Variants in UBP1 observed in about 807,000 individuals in gnomAD.
UBP1 encodes the protein upstream binding protein 1.
A neutral mutation model predicts 76.1 loss-of-function variants in UBP1; 22 were observed. The observed-to-expected ratio is 0.29, with a 90% confidence interval of 0.21 to 0.41. The LOEUF is 0.41. Among genes scored for constraint, UBP1 ranks in the 10% least tolerant of loss-of-function variants. UBP1 has a pLI of 1.00. For synonymous variants in UBP1, 224 were observed against 237.1 expected, an observed-to-expected ratio of 0.94 and a Z score of 0.51; for missense variants, 436 against 668.1, an observed-to-expected ratio of 0.65 and a Z score of 3.83.
Position 33,425,644 on chromosome 3 carries a change from C to T in UBP1, c.211G>A (p.Ala71Thr). 1.3e-6 allele frequency: 2 copies of T among 1,599,806 alleles called. No homozygotes were observed. Among genetic ancestry groups the T allele is most frequent in the Non-Finnish European group, 1.7e-6 (2 of 1,169,220 alleles). Residue 71 changes from alanine (A) to threonine (T), a missense_variant, in exon 2 of 16, where the codon GCA becomes ACA. Ala to Thr is a moderately conservative substitution (Grantham distance 58, BLOSUM62 0). Around this residue, in one of 3 missense-constraint regions of UBP1, gnomAD observed 161 missense variants for 237.9 expected, o/e 0.68. Coordinates refer to ENST00000283629, the MANE Select transcript of UBP1 (RefSeq NM_014517.5). ...TGCAGTTTTACTGCTGGTGACGTTG[C>T]AGCACACATCACATACTGAAAGGGT... Reference protein sequence around the residue: ...HPPFQYVMCAATSPAVKLHDE... With the variant: ...HPPFQYVMCATTSPAVKLHDE...
intron 1 of UBP1, among the ~76,000 whole-genome samples, chr3:33,432,604 G>A (rs763090561): frequency 1.3e-5 from 2 of 152,112 alleles, no homozygotes; most frequent in Non-Finnish European, 2.9e-5. Context: ...GCATTCACAA[G>A]TGTGTCTCAT....
chr3:33,422,306 T>C (rs1417293354), intron 2 of UBP1, among the ~76,000 whole-genome samples: 1 of 151,988 alleles, frequency 6.6e-6, no homozygotes, highest in Non-Finnish European at 1.5e-5. Flanking sequence ...TCAGAAGGCC[T>C]GAGGCAGGAG....
Position 33,440,052 on chromosome 3 carries a change from G to A in UBP1, c.-204C>T. ...CCCAGCGAGCAATTGCAGCGGGAGC[G>A]GCCGGGCCGCCGGCAGCGCCACCCT... On this transcript the variant is annotated 5_prime_UTR_variant, in exon 1 of 16. Coordinates refer to ENST00000283629, the MANE Select transcript of UBP1 (RefSeq NM_014517.5). 1 of 490,246 alleles carries A rather than the reference G, an allele frequency of 2.0e-6. No individual in the cohort carries two copies. Among genetic ancestry groups the A allele is most frequent in the Non-Finnish European group, 3.5e-6 (1 of 287,928 alleles). The allele number at this position is 490,246 out of a possible 1,614,324, so 30.4% of individuals were successfully genotyped here.
intron 11 of UBP1, chr3:33,398,175 T>C (rs2044081600): frequency 6.6e-6 from 1 of 152,248 alleles, no homozygotes. Context: ...TTGGGGGAAT[T>C]AAGATGAACT....
chr3:33,408,655 C>T, intron 8 of UBP1, 35 bp downstream of exon 8: 1 of 1,581,988 alleles, frequency 6.3e-7, no homozygotes. Context: ...CACAAGGTTT[C>T]TTGCACAATG....
intron 2 of UBP1, among the ~76,000 whole-genome samples, chr3:33,417,727 A>C (rs1225453151): frequency 6.6e-6 from 1 of 152,250 alleles, no homozygotes; most frequent in Non-Finnish European, 1.5e-5. Context: ...TAAAAATGAC[A>C]GTATAATTTG....
intron 1 of UBP1, among the ~76,000 whole-genome samples, chr3:33,427,135 T>C (rs115610410): frequency 1.5e-4 from 23 of 152,240 alleles, no homozygotes; most frequent in African/African-American, 3.1e-4. Context: ...ACCCAGGTAA[T>C]TGTATTTTTA....
chr3:33,433,733 A>G (rs1318666582), intron 1 of UBP1, among the ~76,000 whole-genome samples: 1 of 152,056 alleles, frequency 6.6e-6, no homozygotes, highest in African/African-American at 2.4e-5. Flanking sequence ...AGCAAAGTAA[A>G]TAATACAGAG....
chr3:33,439,944 G>A lies in UBP1; in HGVS notation c.-96C>T. On this transcript the variant is annotated 5_prime_UTR_variant, in exon 1 of 16. Coordinates refer to ENST00000283629, the MANE Select transcript of UBP1 (RefSeq NM_014517.5). ...GCGCGTCCTGGGGGAGGGCGCGGGT[G>A]AAGCCTCCGGAGGGGCGGCGAGTGG... The A allele has an allele frequency of 7.2e-7, 1 of 1,387,298 alleles. No homozygotes were observed. Among genetic ancestry groups the A allele is most frequent in the South Asian group, 1.2e-5 (1 of 81,628 alleles). The allele number at this position is 1,387,298 out of a possible 1,614,324, so 85.9% of individuals were successfully genotyped here. A position where few individuals can be genotyped will look rare whatever the true frequency, so the allele number is the denominator to read the frequency against.
chr3:33,396,116 C>T (rs753420743), intron 13 of UBP1, 46 bp downstream of exon 13: 2 of 1,481,118 alleles, frequency 1.4e-6, no homozygotes, highest in Non-Finnish European at 1.8e-6. Context: ...CCGTTTCTGT[C>T]TGACAGTCTC....
At chr3:33,431,286 G>T (rs564791006) in intron 1 of UBP1, among the ~76,000 whole-genome samples, 1 of 152,156 alleles carries the variant, frequency 6.6e-6, no homozygotes, top group Non-Finnish European at 1.5e-5. Context: ...AGCAAAGAAC[G>T]GAATAGGGGC....
chr3:33,430,290 T>C (rs2045091397), intron 1 of UBP1, among the ~76,000 whole-genome samples: 2 of 152,290 alleles, frequency 1.3e-5, no homozygotes, highest in South Asian at 4.1e-4. Context: ...GGGTGTAGGA[T>C]ACAGCCATCC....
At chr3:33,408,137 G>A (rs530596628) in intron 8 of UBP1, among the ~76,000 whole-genome samples, 41 of 151,750 alleles carry the variant, frequency 2.7e-4, no homozygotes, top group Middle Eastern at 3.4e-3. Flanking sequence ...TTCTACCAGT[G>A]CTGCCAAACA....
At chr3:33,413,546 CAAAAAA>C (rs926941278) in intron 3 of UBP1, among the ~76,000 whole-genome samples, 2 of 55,418 alleles carry the variant, frequency 3.6e-5, no homozygotes, top group African/African-American at 1.4e-4. Flanking sequence ...GACTCCATCA[CAAAAAA>C]AAAAAAAAAA....
intron 7 of UBP1, 84 bp downstream of exon 7, chr3:33,409,152 C>A (rs2044506915): frequency 4.5e-6 from 6 of 1,323,352 alleles, no homozygotes; most frequent in Non-Finnish European, 6.4e-6. Context: ...CTTCCCCAAC[C>A]CTTTTGTAGC....
intron 8 of UBP1, among the ~76,000 whole-genome samples, chr3:33,404,481 G>C (rs1167163851): frequency 7.4e-6 from 1 of 134,292 alleles, no homozygotes; most frequent in Non-Finnish European, 1.6e-5. Flanking sequence ...AAAGATAATA[G>C]GATTAAAAAA....
chr3:33,391,077 CA>C (rs921239376), intron 15 of UBP1: 7 of 152,188 alleles, frequency 4.6e-5, no homozygotes, highest in African/African-American at 1.7e-4. Flanking sequence ...GCTGTGAAAA[CA>C]AAAGACTGAG....
At chr3:33,390,918 A>C (rs2043738611) in intron 15 of UBP1, 1 of 152,458 alleles carries the variant, frequency 6.6e-6, no homozygotes, top group South Asian at 2.1e-4. Context: ...TTAAAAAAAA[A>C]AACAAAACAG....
chr3:33,419,064 TCA>T (rs2044813504), intron 2 of UBP1, among the ~76,000 whole-genome samples: 1 of 152,104 alleles, frequency 6.6e-6, no homozygotes, highest in Admixed American at 6.5e-5. Context: ...TATAAATCCC[TCA>T]GTTTTCTGCT....
Sources: gnomAD v4.1 joint callset for allele counts (sites outside exome capture counted in the v4.1 genomes callset) on GRCh38, gnomAD v4.1.1 for gene constraint, gnomAD v4.1.1 regional missense constraint, MANE v1.5 for transcripts, NCBI Gene and HGNC (gene_info 2026-07-23, HGNC 2026-07-21) for gene names.